The following MTHFS variants were observed in gnomAD, a reference collection of about 807,000 sequenced individuals.
The protein encoded by MTHFS is methenyltetrahydrofolate synthetase.
A neutral mutation model predicts 12.7 loss-of-function variants in MTHFS; 7 were observed. That is an observed-to-expected ratio of 0.55 (90% CI 0.31 to 1.03). The LOEUF is 1.03. Ranked by LOEUF, MTHFS falls within the 50% of genes least tolerant of loss-of-function variation. The pLI is 0.05. For missense variants in MTHFS, 252 were observed against 258.1 expected (o/e 0.98, Z 0.16); for synonymous variants, 100 against 97.1 (o/e 1.03, Z -0.18).
In MTHFS at chr15:79,844,677, C is replaced by A. The variant is rs1007521682; in HGVS notation, c.*533G>T. Among the ~76,000 whole-genome samples the A allele has an allele frequency of 6.6e-6, 1 of 152,082 alleles. No individual in the cohort carries two copies. Among genetic ancestry groups the A allele is most frequent in the Non-Finnish European group, 1.5e-5 (1 of 68,020 alleles). ...ATAAAAGGTTTCCCTCCACTAACCA[C>A]CAAAAGCTACAAAGTGTCCAACATA... is the stretch of plus-strand genomic sequence containing the variant. On this transcript the variant is annotated 3_prime_UTR_variant, in exon 3 of 3. Transcript: ENST00000258874.
chr15:79,850,340 A>G (rs2033692439), intron 2 of MTHFS, among the ~76,000 whole-genome samples: 1 of 152,208 alleles, frequency 6.6e-6, no homozygotes, highest in Non-Finnish European at 1.5e-5. Context: ...CCAAAAAAAG[A>G]GGAAGAAAAC....
intron 1 of MTHFS, among the ~76,000 whole-genome samples, chr15:79,896,037 T>C (rs879496810): frequency 6.6e-6 from 1 of 152,258 alleles, no homozygotes; most frequent in African/African-American, 2.4e-5. Flanking sequence ...TGCCATTTTA[T>C]TGATAAGAAA....
chr15:79,880,214 C>T (rs1054848041), intron 2 of MTHFS, among the ~76,000 whole-genome samples: 7 of 152,068 alleles, frequency 4.6e-5, no homozygotes, highest in Non-Finnish European at 1.0e-4. Flanking sequence ...GGACTACAGG[C>T]ACCCACCACC....
intron 1 of MTHFS, among the ~76,000 whole-genome samples, chr15:79,891,829 G>A (rs55664603): frequency 0.12 from 17,740 of 151,860 alleles, 1,181 homozygotes; most frequent in Middle Eastern, 0.18. Context: ...TTAGCCAGGC[G>A]TGGTGGCACA....
chr15:79,849,736 G>C (rs929710886), intron 2 of MTHFS, among the ~76,000 whole-genome samples: 3 of 152,268 alleles, frequency 2.0e-5, no homozygotes, highest in Admixed American at 2.0e-4. Flanking sequence ...GTGTGCACTT[G>C]CTTCACATTC....
chr15:79,871,894 G>A (rs961138408), intron 2 of MTHFS, among the ~76,000 whole-genome samples: 6 of 151,848 alleles, frequency 4.0e-5, no homozygotes, highest in Non-Finnish European at 8.8e-5. Flanking sequence ...CACGAGGTCG[G>A]GAGATTGAAA....
intron 2 of MTHFS, among the ~76,000 whole-genome samples, chr15:79,856,982 G>C (rs1051334652): frequency 6.9e-6 from 1 of 144,910 alleles, no homozygotes; most frequent in African/African-American, 2.5e-5. Context: ...TTTAGAAGAT[G>C]AGCTCGCAAA....
chr15:79,851,845 C>T (rs1005112595), intron 2 of MTHFS, among the ~76,000 whole-genome samples: 3 of 152,106 alleles, frequency 2.0e-5, no homozygotes, highest in African/African-American at 7.2e-5. Flanking sequence ...CACAACAAGG[C>T]CAAGCATCTT....
chr15:79,845,858 T>A (rs944886071), intron 2 of MTHFS, among the ~76,000 whole-genome samples: 13 of 152,154 alleles, frequency 8.5e-5, no homozygotes, highest in African/African-American at 3.1e-4. Flanking sequence ...AGGACAAAGC[T>A]GTTTCTCAGG....
chr15:79,878,836 A>T (rs964178691), intron 2 of MTHFS, among the ~76,000 whole-genome samples: 5 of 149,008 alleles, frequency 3.4e-5, no homozygotes, highest in African/African-American at 1.2e-4. Flanking sequence ...GGGACAAGTC[A>T]GCCTAGCACA....
At chr15:79,867,294 G>A (rs1200800862) in intron 2 of MTHFS, among the ~76,000 whole-genome samples, 2 of 150,994 alleles carry the variant, frequency 1.3e-5, no homozygotes, top group Non-Finnish European at 2.9e-5. Context: ...TCAATTAACT[G>A]TTGAGGTGAT....
At chr15:79,875,887 T>C (rs2034186661) in intron 2 of MTHFS, 1 of 152,136 alleles carries the variant, frequency 6.6e-6, no homozygotes, top group South Asian at 2.1e-4. Context: ...GTAATTAAAA[T>C]TGGGCAAAAG....
At chr15:79,893,095 A>C (rs2034502378) in intron 1 of MTHFS, among the ~76,000 whole-genome samples, 1 of 152,216 alleles carries the variant, frequency 6.6e-6, no homozygotes, top group South Asian at 2.1e-4. Context: ...TTATAGTTAC[A>C]GAACAAAGTT....
chr15:79,889,352 C>G lies in MTHFS; in HGVS notation c.120G>C (p.Val40=). Residue 40 remains valine, a splice_region_variant and synonymous_variant, in exon 2 of 3, where the codon GTG becomes GTC. Coordinates refer to ENST00000258874, the MANE Select transcript of MTHFS (RefSeq NM_006441.4). ...ACTTTTGATACTCACTGTGGGCAAT[C>G]ACCTAAATGGGAAATTATGGCAATT... The part of the protein sequence containing the change: ...LRQSRVLSQK[V]IAHSEYQKSK... 6.2e-7 allele frequency: 1 copy of G among 1,611,918 alleles called. No homozygotes were observed. The highest frequency in any genetic ancestry group is 1.1e-5 in the South Asian group (1 of 91,000).
chr15:79,853,532 T>A (rs1210533444), intron 2 of MTHFS, among the ~76,000 whole-genome samples: 1 of 152,256 alleles, frequency 6.6e-6, no homozygotes, highest in Non-Finnish European at 1.5e-5. Flanking sequence ...CAATAAATTC[T>A]AGCTGTATTA....
chr15:79,861,308 T>G (rs1596067185), intron 2 of MTHFS, among the ~76,000 whole-genome samples: 5 of 152,194 alleles, frequency 3.3e-5, no homozygotes, highest in African/African-American at 1.2e-4. Context: ...ATCGTCCCCC[T>G]CCATACACCT....
At chr15:79,863,927 TCTAA>T (rs2033960730) in intron 2 of MTHFS, among the ~76,000 whole-genome samples, 2 of 152,222 alleles carry the variant, frequency 1.3e-5, no homozygotes, top group Non-Finnish European at 1.5e-5. Flanking sequence ...CGAATCTGAT[TCTAA>T]CTGATAACCT....
At chr15:79,896,738 A>C (rs2141384703) in intron 1 of MTHFS, 134 bp downstream of exon 1, 55 of 887,882 alleles carry the variant, frequency 6.2e-5, no homozygotes, top group Middle Eastern at 3.9e-4. Flanking sequence ...CGGGAGGGGA[A>C]ACGTGCGCGC....
chr15:79,854,829 A>T (rs1404549059), intron 2 of MTHFS, among the ~76,000 whole-genome samples: 1 of 152,190 alleles, frequency 6.6e-6, no homozygotes, highest in Non-Finnish European at 1.5e-5. Flanking sequence ...TTTGATTTAC[A>T]TTATTTTCTT....
Sources: gnomAD v4.1 joint callset for allele counts (sites outside exome capture counted in the v4.1 genomes callset) on GRCh38, gnomAD v4.1.1 for gene constraint, MANE v1.5 for transcripts, NCBI Gene and HGNC (gene_info 2026-07-23, HGNC 2026-07-21) for gene names.